Variants in TMPRSS11D observed in about 807,000 individuals in gnomAD.
TMPRSS11D encodes transmembrane serine protease 11D, also known as transmembrane protease serine 11D.
TMPRSS11D carries 32 observed loss-of-function variants against 44.4 expected under a neutral mutation model. The ratio of observed to expected loss-of-function variants is 0.72; its 90% CI spans 0.54 to 0.97. The LOEUF (loss-of-function observed/expected upper bound fraction) is 0.97. Ranked by LOEUF, TMPRSS11D falls within the 50% of genes least tolerant of loss-of-function variation. The pLI, the probability that TMPRSS11D is intolerant of heterozygous loss-of-function variation, is 0.00. For missense variants in TMPRSS11D, 446 were observed against 502.6 expected (o/e 0.89, Z 1.08); for synonymous variants, 179 against 177.9 (o/e 1.01, Z -0.05).
intron 1 of TMPRSS11D, among the ~76,000 whole-genome samples, chr4:67,879,601 A>G (rs991292826): frequency 6.6e-6 from 1 of 152,140 alleles, no homozygotes; most frequent in East Asian, 1.9e-4. Context: ...GTGTTTTGGA[A>G]GCTTTGTGAA....
chr4:67,844,057 G>C (rs1205119356), intron 3 of TMPRSS11D, among the ~76,000 whole-genome samples: 1 of 152,222 alleles, frequency 6.6e-6, no homozygotes, highest in Non-Finnish European at 1.5e-5. Context: ...AAGTGCTGTG[G>C]CTGATACAGT....
At chr4:67,852,597 G>A (rs1718534996) in intron 3 of TMPRSS11D, among the ~76,000 whole-genome samples, 2 of 152,162 alleles carry the variant, frequency 1.3e-5, no homozygotes, top group African/African-American at 2.4e-5. Context: ...ACCAAGTTAT[G>A]AGGAGACTGC....
intron 6 of TMPRSS11D, chr4:67,833,730 A>G (rs1353221000): frequency 6.0e-6 from 1 of 167,646 alleles, no homozygotes; most frequent in Non-Finnish European, 1.3e-5. Context: ...CTTTTTCTCA[A>G]TAGTCTTGCT....
At chr4:67,880,283 A>G (rs17088748) in intron 1 of TMPRSS11D, among the ~76,000 whole-genome samples, 3,419 of 152,334 alleles carry the variant, frequency 0.022, 132 homozygotes, top group African/African-American at 0.077. Flanking sequence ...GATGTGTTTA[A>G]TAATAAAAAA....
At chr4:67,866,542 A>G (rs1343786628) in intron 1 of TMPRSS11D, among the ~76,000 whole-genome samples, 1 of 152,038 alleles carries the variant, frequency 6.6e-6, no homozygotes, top group African/African-American at 2.4e-5. Flanking sequence ...GAAAAGAGGA[A>G]GTCAAATTAT....
chr4:67,868,341 A>C (rs1253950093), intron 1 of TMPRSS11D, among the ~76,000 whole-genome samples: 1 of 152,222 alleles, frequency 6.6e-6, no homozygotes, highest in Non-Finnish European at 1.5e-5. Context: ...TAATGTGTAC[A>C]GTGTATCCTA....
chr4:67,858,013 AAAC>A (rs1577823114), intron 2 of TMPRSS11D, among the ~76,000 whole-genome samples: 1 of 152,322 alleles, frequency 6.6e-6, no homozygotes, highest in African/African-American at 2.4e-5. Flanking sequence ...AAAACAACAA[AAAC>A]AACAACGACA....
In TMPRSS11D at chr4:67,822,358, A is replaced by G. The variant is rs1304989064; in HGVS notation, c.1236T>C (p.Ile412=). Residue 412 remains isoleucine (I), a synonymous_variant, in exon 10 of 10, where the codon ATT becomes ATC. Transcript: ENST00000283916. ...YTRVTAYLDW[I]RQQTGI ...TGCACTAGATCCCAGTTTGTTGCCT[A>G]ATCCAGTCAAGGTAGGCTGTCACTC... 6.2e-7 allele frequency: 1 copy of G among 1,613,818 alleles called. No homozygotes were observed. The highest frequency in any genetic ancestry group is 2.2e-5 in the East Asian group (1 of 44,882).
chr4:67,825,771 C>G lies in TMPRSS11D; in HGVS notation c.1056G>C (p.Leu352=). 6.2e-7 allele frequency: 1 copy of G among 1,613,090 alleles called. No homozygotes were observed. Among genetic ancestry groups the G allele is most frequent in the Non-Finnish European group, 8.5e-7 (1 of 1,179,458 alleles). Residue 352 remains leucine (L), a synonymous_variant, in exon 9 of 10, where the codon CTG becomes CTC. Coordinates refer to ENST00000283916, the MANE Select transcript of TMPRSS11D (RefSeq NM_004262.3). ...CTCCACCTTGAGGTACTCCAGCACA[C>G]AGCATTCCAGACAAGATGGCTCCAT... ...SYNGAILSGM[L]CAGVPQGGVD... is the part of the protein sequence containing the mutation.
At chr4:67,825,993 G>C in intron 8 of TMPRSS11D, 119 bp from the exon 9 acceptor site, 12 of 1,218,056 alleles carry the variant, frequency 9.9e-6, no homozygotes, top group Non-Finnish European at 1.3e-5. Context: ...AACAATGAAG[G>C]CTTCTAAAGA....
intron 1 of TMPRSS11D, among the ~76,000 whole-genome samples, chr4:67,866,552 T>C (rs1469165001): frequency 1.3e-5 from 2 of 151,858 alleles, no homozygotes; most frequent in Non-Finnish European, 2.9e-5. Flanking sequence ...AGTCAAATTA[T>C]CTCTACTGAC....
At chr4:67,828,783 G>C (rs2109659700) in intron 7 of TMPRSS11D, among the ~76,000 whole-genome samples, 1 of 152,256 alleles carries the variant, frequency 6.6e-6, no homozygotes, top group East Asian at 1.9e-4. Context: ...TGGCTATAAA[G>C]AGGTAGAAGT....
chr4:67,825,928 A>G lies in TMPRSS11D; in HGVS notation c.953-54T>C, dbSNP rs192619047. 9 of 1,475,732 alleles carry G rather than the reference A, an allele frequency of 6.1e-6. No homozygotes were observed. In the East Asian group the frequency reaches 2.1e-4, roughly 34 times the overall value. 91.4% of individuals were successfully genotyped at this position (1,475,732 alleles called of 1,614,324 possible). A position where few individuals can be genotyped will look rare whatever the true frequency, so the allele number is the denominator to read the frequency against. The stretch of plus-strand genomic sequence containing the variant: ...GGACTTCAAGATGTGTACATTATTG[A>G]CCCTATAATAAATTTGAGAAGAAAT... On this transcript the variant is annotated intron_variant, in intron 8 of 9. Transcript: ENST00000283916.
At chr4:67,856,111 C>T (rs376415913) in intron 2 of TMPRSS11D, among the ~76,000 whole-genome samples, 10 of 152,198 alleles carry the variant, frequency 6.6e-5, no homozygotes, top group African/African-American at 2.4e-4. Flanking sequence ...ATACCAACAT[C>T]ACTTTTCACA....
At chr4:67,882,704 T>A (rs1389043714) in intron 1 of TMPRSS11D, among the ~76,000 whole-genome samples, 2 of 152,130 alleles carry the variant, frequency 1.3e-5, no homozygotes, top group Non-Finnish European at 2.9e-5. Context: ...CCAAATAATA[T>A]TACACTTATA....
intron 3 of TMPRSS11D, among the ~76,000 whole-genome samples, chr4:67,845,661 T>G (rs1019239449): frequency 9.2e-5 from 14 of 152,298 alleles, no homozygotes; most frequent in African/African-American, 3.4e-4. Context: ...CTGCTGACAC[T>G]TTCATTACAT....
intron 1 of TMPRSS11D, among the ~76,000 whole-genome samples, chr4:67,874,207 A>C (rs887257745): frequency 6.6e-6 from 1 of 152,120 alleles, no homozygotes; most frequent in African/African-American, 2.4e-5. Flanking sequence ...AGGTGCATGT[A>C]AGTATACTCT....
At chr4:67,835,209 A>G in intron 5 of TMPRSS11D, 88 bp from the exon 6 acceptor site, 1 of 1,245,734 alleles carries the variant, frequency 8.0e-7, no homozygotes, top group Non-Finnish European at 1.2e-6. Context: ...CCCAGACAAC[A>G]AGAAGCAGAA....
intron 2 of TMPRSS11D, among the ~76,000 whole-genome samples, chr4:67,855,488 A>G (rs79502227): frequency 6.6e-6 from 1 of 152,268 alleles, no homozygotes; most frequent in African/African-American, 2.4e-5. Flanking sequence ...TAGATGTTCA[A>G]TAGATTCCAT....
Sources: gnomAD v4.1 joint callset for allele counts (sites outside exome capture counted in the v4.1 genomes callset) on GRCh38, gnomAD v4.1.1 for gene constraint, MANE v1.5 for transcripts, NCBI Gene and HGNC (gene_info 2026-07-23, HGNC 2026-07-21) for gene names.